DOP1A: variants seen among roughly 807,000 people sequenced by gnomAD.
DOP1A encodes the protein DOP1 leucine zipper like protein A.
A neutral mutation model predicts 267.6 loss-of-function variants in DOP1A; 90 were observed. The ratio of observed to expected loss-of-function variants is 0.34; its 90% CI spans 0.28 to 0.40. The LOEUF is 0.40. Ranked by LOEUF, DOP1A falls within the 10% of genes least tolerant of loss-of-function variation. The pLI is 1.00. For synonymous variants in DOP1A, 932 were observed against 999.1 expected, an observed-to-expected ratio of 0.93 and a Z score of 1.27; for missense variants, 2,437 against 2,900.4, an observed-to-expected ratio of 0.84 and a Z score of 3.67.
intron 5 of DOP1A, 29 bp from the exon 6 acceptor site, chr6:83,110,096 C>T (rs1774298762): frequency 6.6e-7 from 1 of 1,513,438 alleles, no homozygotes; most frequent in African/African-American, 1.4e-5. Flanking sequence ...AAATGTTTCC[C>T]TTCTTAAACC....
intron 15 of DOP1A, among the ~76,000 whole-genome samples, chr6:83,127,276 ATAAAC>A (rs1378001131): frequency 1.3e-5 from 2 of 152,022 alleles, no homozygotes; most frequent in Non-Finnish European, 2.9e-5. Context: ...GCTTTAAACT[ATAAAC>A]TAAATTCCTT....
At chr6:83,076,717 C>T (rs959879333) in intron 1 of DOP1A, among the ~76,000 whole-genome samples, 14 of 152,038 alleles carry the variant, frequency 9.2e-5, no homozygotes, top group African/African-American at 2.4e-4. Context: ...ATGGCCATTC[C>T]TCAAAAAAAG....
At position 83,145,600 on chromosome 6, in the gene DOP1A, C is replaced by A; in HGVS notation, c.5618C>A (p.Thr1873Asn). 2.5e-6 allele frequency: 4 copies of A among 1,613,366 alleles called. No individual in the cohort carries two copies. The highest frequency in any genetic ancestry group is 3.4e-6 in the Non-Finnish European group (4 of 1,179,624). The part of the protein sequence containing the change: ...VRSISVMRAE[T>N]VIQTVKEVLK... ...TCAATCAGTGTCATGAGAGCAGAAACTGTTATCCAGACTGTAAAAGAAGTT... is the reference window on the plus strand; with the variant it reads ...TCAATCAGTGTCATGAGAGCAGAAAATGTTATCCAGACTGTAAAAGAAGTT... Residue 1873 changes from threonine to asparagine, a missense_variant, in exon 25 of 39, where the codon ACT becomes AAT. Around this residue, in one of 9 missense-constraint regions of DOP1A, gnomAD observed 307 missense variants for 308.6 expected, o/e 0.99. Transcript: ENST00000349129.
In DOP1A at chr6:83,157,238, T is replaced by A; in HGVS notation, c.6661T>A (p.Phe2221Ile). 6.2e-7 allele frequency: 1 copy of A among 1,614,074 alleles called. No homozygotes were observed. The highest frequency in any genetic ancestry group is 8.5e-7 in the Non-Finnish European group (1 of 1,179,942). ...PQVPTLHSQV[F>I]LFFRVLLLRM... ...GGTGCCAACTCTCCATTCTCAAGTG[T>A]TCCTGTTTTTCAGAGTGTTACTTTT... is the stretch of plus-strand genomic sequence containing the variant. The change falls in exon 35 of 39, where the codon TTC (phenylalanine) becomes ATC (isoleucine). Residue 2221 changes from phenylalanine (F) to isoleucine (I), a missense_variant. Phe to Ile is a conservative substitution (Grantham distance 21, BLOSUM62 0). Around this residue, in one of 9 missense-constraint regions of DOP1A, gnomAD observed 75 missense variants for 149.6 expected, o/e 0.50. Transcript: ENST00000349129.
At chr6:83,169,388 C>G, downstream of DOP1A, 2 of 1,584,332 alleles carry the variant, frequency 1.3e-6, no homozygotes, top group Non-Finnish European at 1.7e-6. Flanking sequence ...TGGGCAAGAC[C>G]ATGTTACTTG....
chr6:83,139,848 A>G (rs1357105016), intron 21 of DOP1A, 152 bp from the exon 22 acceptor site: 1 of 556,094 alleles, frequency 1.8e-6, no homozygotes, highest in African/African-American at 1.9e-5. Flanking sequence ...ATTAGGAAAT[A>G]AAAGCCCCTG....
chr6:83,123,038 T>G (rs577171688), intron 12 of DOP1A, 56 bp downstream of exon 12: 38 of 1,524,062 alleles, frequency 2.5e-5, no homozygotes, highest in African/African-American at 1.3e-4. Context: ...AACCTTTGGG[T>G]TTTTTTTAAG....
Position 83,099,189 on chromosome 6 carries a change from C to G in DOP1A, c.139-1516C>G, listed in dbSNP as rs144054349. Among the ~76,000 whole-genome samples the G allele has an allele frequency of 6.2e-3, 948 of 152,272 alleles. 11 individuals carry two copies. The highest frequency in any genetic ancestry group is 0.022 in the African/African-American group (903 of 41,544). On this transcript the variant is annotated intron_variant, in intron 3 of 38. Coordinates refer to ENST00000349129, the MANE Select transcript of DOP1A (RefSeq NM_015018.4). ...ATGGATGAAAACCTACAGACACACT[C>G]TCACTCACAATACCACACCAGGACA...
Position 83,166,143 on chromosome 6 carries a change from AT to A in DOP1A, c.7093-1712del, listed in dbSNP as rs1258618032. ...AGAAAATGACACTTCAAAACAACGAATTTTTTTATTTTTCACTCAGCTCATG... is the reference window on the plus strand; with the variant it reads ...AGAAAATGACACTTCAAAACAACGAATTTTTTATTTTTCACTCAGCTCATG... On this transcript the variant is annotated intron_variant, in intron 38 of 38. Coordinates refer to ENST00000349129, the MANE Select transcript of DOP1A (RefSeq NM_015018.4). The A allele has an allele frequency of 8.6e-6, 4 of 464,188 alleles. No homozygotes were observed. In the East Asian group the frequency reaches 1.3e-4, roughly 15 times the overall value. The allele number at this position is 464,188 out of a possible 1,614,324, so 28.8% of individuals were successfully genotyped here.
intron 1 of DOP1A, among the ~76,000 whole-genome samples, chr6:83,083,216 A>G (rs940017499): frequency 1.3e-5 from 2 of 152,056 alleles, no homozygotes; most frequent in African/African-American, 4.8e-5. Flanking sequence ...GTGGTGAACC[A>G]CTTGGGGTAT....
intron 38 of DOP1A, 100 bp from the exon 39 acceptor site, chr6:83,167,762 T>TC (rs1786142413): frequency 6.9e-7 from 1 of 1,452,590 alleles, no homozygotes; most frequent in Admixed American, 2.8e-5. Context: ...TCATTTGTAT[T>TC]CATTTCTTGA....
chr6:83,153,186 T>C (rs1782076403), intron 30 of DOP1A, among the ~76,000 whole-genome samples: 1 of 152,092 alleles, frequency 6.6e-6, no homozygotes, highest in Admixed American at 6.6e-5. Flanking sequence ...TTTAGCTGAG[T>C]CAGGGAAAAA....
At position 83,100,794 on chromosome 6, in the gene DOP1A, A is replaced by G; in HGVS notation, c.228A>G (p.Pro76=). 1 of 1,595,702 alleles carries G rather than the reference A, an allele frequency of 6.3e-7. No homozygotes were observed. The highest frequency in any genetic ancestry group is 1.7e-5 in the Admixed American group (1 of 58,968). ...CTCAATGTCTACATCCAGCATTACCAGGTGGAGTTCATCGGAAGGCGCTTG... is the reference window on the plus strand; with the variant it reads ...CTCAATGTCTACATCCAGCATTACCGGGTGGAGTTCATCGGAAGGCGCTTG... ...RLAQCLHPAL[P]GGVHRKALET... Residue 76 remains proline, a synonymous_variant, in exon 4 of 39, where the codon CCA becomes CCG. Coordinates refer to ENST00000349129, the MANE Select transcript of DOP1A (RefSeq NM_015018.4).
chr6:83,082,774 A>G (rs1195045532), intron 1 of DOP1A, among the ~76,000 whole-genome samples: 1 of 151,664 alleles, frequency 6.6e-6, no homozygotes, highest in African/African-American at 2.4e-5. Flanking sequence ...TTATCTGTCA[A>G]TTTGAAATAA....
chr6:83,170,325 A>G (rs1365852759), downstream of DOP1A: 1 of 1,614,172 alleles, frequency 6.2e-7, no homozygotes, highest in Non-Finnish European at 8.5e-7. Context: ...GCTTCTGCAT[A>G]TACTCGGACG....
chr6:83,132,333 A>C lies in DOP1A; in HGVS notation c.2769+5A>C. 6.4e-7 allele frequency: 1 copy of C among 1,566,922 alleles called. No homozygotes were observed. The highest frequency in any genetic ancestry group is 1.1e-5 in the South Asian group (1 of 89,740). ...CAGTTAACCCATAAAGATAAGGTAA[A>C]TCCTCTTATCTTGTGCACACCGCCC... On this transcript the variant is annotated splice_donor_5th_base_variant and intron_variant, in intron 18 of 38. Transcript: ENST00000349129.
chr6:83,126,630 C>A (rs543529414), intron 15 of DOP1A, among the ~76,000 whole-genome samples: 1 of 152,104 alleles, frequency 6.6e-6, no homozygotes, highest in African/African-American at 2.4e-5. Context: ...ACCTGACCTA[C>A]GCTGGGGCTA....
At chr6:83,155,812 C>T in intron 33 of DOP1A, 139 bp from the exon 34 acceptor site, 1 of 969,020 alleles carries the variant, frequency 1.0e-6, no homozygotes, top group Non-Finnish European at 1.5e-6. Flanking sequence ...GCCTGTCTGC[C>T]CCAGAGAGGG....
chr6:83,152,746 T>A (rs1583138889), intron 30 of DOP1A, among the ~76,000 whole-genome samples: 1 of 151,928 alleles, frequency 6.6e-6, no homozygotes, highest in African/African-American at 2.4e-5. Flanking sequence ...GCCTCCTAAG[T>A]AGTTGAGACT....
Sources: gnomAD v4.1 joint callset for allele counts (sites outside exome capture counted in the v4.1 genomes callset) on GRCh38, gnomAD v4.1.1 for gene constraint, gnomAD v4.1.1 regional missense constraint, MANE v1.5 for transcripts, NCBI Gene and HGNC (gene_info 2026-07-23, HGNC 2026-07-21) for gene names.